PDE6A: variants seen among roughly 807,000 people sequenced by gnomAD.
PDE6A encodes the protein phosphodiesterase 6A.
In PDE6A, 84 loss-of-function variants were observed where a neutral mutation model predicts 106.3. The observed-to-expected ratio is 0.79, with a 90% CI of 0.66 to 0.95. The LOEUF (loss-of-function observed/expected upper bound fraction) is 0.95. Among genes scored for constraint, PDE6A ranks in the 40% least tolerant of loss-of-function variants. The probability of loss-of-function intolerance (pLI) is 0.00; values close to 1 mark genes in which losing one functional copy is unlikely to be tolerated. For missense variants in PDE6A, 1,052 were observed against 1,084.9 expected, an observed-to-expected ratio of 0.97 and a Z score of 0.43; for synonymous variants, 394 against 386.6, an observed-to-expected ratio of 1.02 and a Z score of -0.23.
At chr5:149,915,723 A>G (rs1450218808) in intron 5 of PDE6A, among the ~76,000 whole-genome samples, 1 of 152,186 alleles carries the variant, frequency 6.6e-6, no homozygotes, top group African/African-American at 2.4e-5. Flanking sequence ...AATAAAAGAG[A>G]GTTGAGAAGC....
chr5:149,876,927 A>G (rs1760762333), intron 17 of PDE6A, among the ~76,000 whole-genome samples: 1 of 151,496 alleles, frequency 6.6e-6, no homozygotes, highest in Non-Finnish European at 1.5e-5. Flanking sequence ...AGATAGATAG[A>G]TAGATACATA....
chr5:149,925,256 A>G (rs924804772), intron 4 of PDE6A, among the ~76,000 whole-genome samples: 1 of 152,194 alleles, frequency 6.6e-6, no homozygotes, highest in East Asian at 1.9e-4. Context: ...TCAGACAGAG[A>G]CTCAAAAATA....
rs190557378 is a variant in PDE6A, at chr5:149,911,176, C to T, written c.998+3767G>A. Among the ~76,000 whole-genome samples, 243 of 151,998 alleles carry T rather than the reference C, an allele frequency of 1.6e-3. 1 individual carries two copies. The highest frequency in any genetic ancestry group is 2.9e-3 in the African/African-American group (119 of 41,488). ...GTTTATAGGTGTGAGCCACTGTGCCCGGCAACAAGCCAGTTTCAATTGGCA... is the reference window on the plus strand; with the variant it reads ...GTTTATAGGTGTGAGCCACTGTGCCTGGCAACAAGCCAGTTTCAATTGGCA... On this transcript the variant is annotated intron_variant, in intron 6 of 21. Transcript: ENST00000255266.
chr5:149,927,533 C>A (rs1285559821), intron 4 of PDE6A, among the ~76,000 whole-genome samples: 1 of 152,076 alleles, frequency 6.6e-6, no homozygotes, highest in African/African-American at 2.4e-5. Flanking sequence ...CTACCGCAGC[C>A]TCTTGAGTAG....
chr5:149,865,267 G>T (rs1760286854), intron 20 of PDE6A, among the ~76,000 whole-genome samples: 1 of 149,706 alleles, frequency 6.7e-6, no homozygotes, highest in African/African-American at 2.5e-5. Context: ...AAATTTAGCT[G>T]GATGTGGTGG....
chr5:149,887,832 C>T (rs891967225), intron 13 of PDE6A, among the ~76,000 whole-genome samples: 9 of 152,040 alleles, frequency 5.9e-5, no homozygotes, highest in Admixed American at 5.2e-4. Flanking sequence ...GCCATACTGC[C>T]CAGACCCCTC....
rs927088817 is a variant in PDE6A, at chr5:149,858,463, C to G, written c.*2432G>C. The G allele has an allele frequency of 1.9e-4, 29 of 152,314 alleles. No individual in the cohort carries two copies. The highest frequency in any genetic ancestry group is 5.8e-4 in the African/African-American group (24 of 41,564). 9.4% of individuals were successfully genotyped at this position (152,314 alleles called of 1,614,324 possible). A position where few individuals can be genotyped will look rare whatever the true frequency, so the allele number is the denominator to read the frequency against. On this transcript the variant is annotated 3_prime_UTR_variant, in exon 22 of 22. Coordinates refer to ENST00000255266, the MANE Select transcript of PDE6A (RefSeq NM_000440.3). Reference sequence around the variant, plus strand: ...GGTATTGCATACTTGCCAGAACATACTTAGATTCGGTTTAAAAGAAATAAG... The same window carrying G: ...GGTATTGCATACTTGCCAGAACATAGTTAGATTCGGTTTAAAAGAAATAAG...
At chr5:149,929,446 A>G (rs1434781781) in intron 4 of PDE6A, among the ~76,000 whole-genome samples, 1 of 152,106 alleles carries the variant, frequency 6.6e-6, no homozygotes, top group Admixed American at 6.5e-5. Flanking sequence ...CTCTACTAAA[A>G]ATACAAAAAA....
chr5:149,866,636 A>C (rs981246004), intron 19 of PDE6A: 1 of 220,304 alleles, frequency 4.5e-6, no homozygotes, highest in Non-Finnish European at 9.1e-6. Flanking sequence ...TCTCTTTCTT[A>C]ATCAAGAAAA....
At chr5:149,888,706 G>T (rs1293037576) in intron 13 of PDE6A, among the ~76,000 whole-genome samples, 1 of 151,754 alleles carries the variant, frequency 6.6e-6, no homozygotes, top group Non-Finnish European at 1.5e-5. Flanking sequence ...ATAGGAAAAA[G>T]TTGAATGGAT....
intron 18 of PDE6A, 77 bp from the exon 19 acceptor site, chr5:149,867,876 C>G: frequency 1.4e-6 from 2 of 1,402,612 alleles, no homozygotes; most frequent in Non-Finnish European, 2.0e-6. Context: ...ACCCCACTTG[C>G]AATTCCAAAT....
At chr5:149,935,674 T>G (rs1754160722) in intron 1 of PDE6A, among the ~76,000 whole-genome samples, 1 of 152,212 alleles carries the variant, frequency 6.6e-6, no homozygotes, top group Non-Finnish European at 1.5e-5. Context: ...GCGGTCAGGA[T>G]GAAAAGACAG....
At chr5:149,939,325 T>A (rs1754267539) in intron 1 of PDE6A, among the ~76,000 whole-genome samples, 1 of 152,130 alleles carries the variant, frequency 6.6e-6, no homozygotes, top group Non-Finnish European at 1.5e-5. Flanking sequence ...TAAGTCAGGA[T>A]CTTCTAGACT....
intron 6 of PDE6A, among the ~76,000 whole-genome samples, chr5:149,913,156 T>TGA (rs1753437548): frequency 6.6e-6 from 1 of 151,764 alleles, no homozygotes; most frequent in South Asian, 2.1e-4. Context: ...CCAAGGTAGG[T>TGA]GAATCACTTG....
intron 13 of PDE6A, among the ~76,000 whole-genome samples, chr5:149,888,433 A>T (rs1752399280): frequency 6.7e-6 from 1 of 149,002 alleles, no homozygotes; most frequent in Non-Finnish European, 1.5e-5. Flanking sequence ...ATTAACATAT[A>T]TTAATATATA....
chr5:149,927,146 G>A (rs934635388), intron 4 of PDE6A, among the ~76,000 whole-genome samples: 1 of 152,082 alleles, frequency 6.6e-6, no homozygotes, highest in African/African-American at 2.4e-5. Context: ...ACTCCAGATT[G>A]TATAGCCTAC....
At position 149,895,197 on chromosome 5, in the gene PDE6A, A is replaced by G. The variant is rs370091675; in HGVS notation, c.1714T>C (p.Phe572Leu). The change falls in exon 13 of 22, where the codon TTC (phenylalanine) becomes CTC (leucine). Residue 572 changes from phenylalanine to leucine, a missense_variant. Coordinates refer to ENST00000255266, the MANE Select transcript of PDE6A (RefSeq NM_000440.3). ...CCCCGCCATACCACCAGCAGGGAGA[A>G]CATGGTCTGCCCCACGTTGAAGCCG... ...RHGFNVGQTM[F>L]SLLVTGKLKR... is the part of the protein sequence containing the mutation. 15 of 1,613,318 alleles carry G rather than the reference A, an allele frequency of 9.3e-6. No homozygotes were observed. In the African/African-American group the frequency reaches 1.9e-4, roughly 20 times the overall value.
At chr5:149,942,561 C>A (rs1754352474) in intron 1 of PDE6A, among the ~76,000 whole-genome samples, 1 of 152,050 alleles carries the variant, frequency 6.6e-6, no homozygotes, top group African/African-American at 2.4e-5. Context: ...GACACAGAGA[C>A]AAAGTCTAGA....
chr5:149,905,992 G>C (rs1374393596), intron 7 of PDE6A, among the ~76,000 whole-genome samples: 1 of 151,978 alleles, frequency 6.6e-6, no homozygotes, highest in Non-Finnish European at 1.5e-5. Context: ...TGAGTAGCTG[G>C]GACTGTGGGC....
Sources: allele counts gnomAD v4.1 joint callset (sites outside exome capture counted in the v4.1 genomes callset), GRCh38; gene constraint gnomAD v4.1.1; transcripts MANE v1.5; gene names NCBI Gene and HGNC (gene_info 2026-07-23, HGNC 2026-07-21).